Variants in NLRC3 observed in about 807,000 individuals in gnomAD.
The protein encoded by NLRC3 is NLR family CARD domain-containing protein 3.
Under a neutral mutation model 91.6 loss-of-function variants are expected in NLRC3, and 87 were observed. The ratio of observed to expected loss-of-function variants is 0.95; its 90% CI spans 0.80 to 1.14. The LOEUF (loss-of-function observed/expected upper bound fraction) is 1.14, where lower values mean the gene tolerates loss of function less well. Ranked by LOEUF, NLRC3 falls within the 50% of genes most tolerant of loss-of-function variation. NLRC3 has a pLI of 0.00. For synonymous variants in NLRC3, 694 were observed against 625.3 expected (o/e 1.11, Z -1.64); for missense variants, 1,577 against 1,418.6 (o/e 1.11, Z -1.79).
chr16:3,548,360 T>G (rs1212201705), intron 14 of NLRC3, 142 bp from the exon 15 acceptor site: 2 of 711,530 alleles, frequency 2.8e-6, no homozygotes, highest in Non-Finnish European at 4.8e-6. Flanking sequence ...CCAGACTTAG[T>G]TCTCAGAGGG....
In NLRC3 at chr16:3,564,965, C is replaced by G. The variant is rs757979567; in HGVS notation, c.72G>C (p.Gln24His). 6.2e-7 allele frequency: 1 copy of G among 1,610,602 alleles called. No individual in the cohort carries two copies. The highest frequency in any genetic ancestry group is 1.3e-5 in the African/African-American group (1 of 74,952). The change falls in exon 4 of 20, where the codon CAG (glutamine) becomes CAC (histidine). Residue 24 changes from glutamine to histidine, a missense_variant. Gln to His is a conservative substitution (Grantham distance 24, BLOSUM62 0). Coordinates refer to ENST00000359128, the MANE Select transcript of NLRC3 (RefSeq NM_178844.4). The surrounding 1 kb of genome is among the most constrained non-coding windows in gnomAD (Gnocchi z 5.9). ...QGHGTGSPAEQVKALMDLLAG... is the reference protein window; with the variant it reads ...QGHGTGSPAEHVKALMDLLAG... ...CCAGCAGATCCATGAGGGCTTTCAC[C>G]TGCTCGGCTGGGGAGCCCGTACCGT...
intron 5 of NLRC3, 77 bp from the exon 6 acceptor site, chr16:3,561,865 C>G (rs2039630865): frequency 7.2e-6 from 7 of 978,496 alleles, no homozygotes; most frequent in Non-Finnish European, 1.2e-5. Context: ...GGGGCCTCTG[C>G]CTCTCTCCAT....
intron 5 of NLRC3, among the ~76,000 whole-genome samples, chr16:3,562,016 T>TCCTCA (rs1401524289): frequency 2.0e-5 from 3 of 152,102 alleles, no homozygotes; most frequent in Non-Finnish European, 4.4e-5. Flanking sequence ...CGGGCTGTCG[T>TCCTCA]CCTCACCACC....
chr16:3,575,836 T>C (rs1453462391), intron 1 of NLRC3, among the ~76,000 whole-genome samples: 2 of 152,212 alleles, frequency 1.3e-5, no homozygotes, highest in African/African-American at 4.8e-5. Flanking sequence ...GCTGGCTGCC[T>C]ACCTGGGCTG....
chr16:3,542,592 A>G, intron 18 of NLRC3, 100 bp downstream of exon 18: 1 of 714,172 alleles, frequency 1.4e-6, no homozygotes, highest in Admixed American at 2.4e-5. Flanking sequence ...TCAGAAGGAA[A>G]TAGCTACAGA....
At chr16:3,548,038 G>A in intron 15 of NLRC3, 97 bp downstream of exon 15, 2 of 769,894 alleles carry the variant, frequency 2.6e-6, no homozygotes, top group Non-Finnish European at 4.4e-6. Context: ...AGTGCCAGGG[G>A]TCACTGGATT....
rs373050095 is a variant in NLRC3, at chr16:3,564,528, G to A, written c.409C>T (p.Pro137Ser). 71 of 1,612,050 alleles carry A rather than the reference G, an allele frequency of 4.4e-5. No homozygotes were observed. The African/African-American group carries it at 9.2e-4, about 21-fold the overall frequency. Residue 137 changes from proline to serine, a missense_variant, in exon 5 of 20, where the codon CCA (proline) becomes TCA (serine). Transcript: ENST00000359128. This position sits in a 1 kb window ranked among gnomAD's most constrained non-coding sequence, Gnocchi z 5.9. Reference sequence around the variant, plus strand: ...CCGATAGTGATGGAGACCCGGGGTGGGACAGACACCCGGGAGAGAGGCAGG... The same window carrying A: ...CCGATAGTGATGGAGACCCGGGGTGAGACAGACACCCGGGAGAGAGGCAGG... ...LFLPLSRVSV[P>S]PRVSITIGVA...
chr16:3,544,774 C>T lies in NLRC3; in HGVS notation c.2772-445G>A, dbSNP rs185141827. 149 of 176,464 alleles carry T rather than the reference C, an allele frequency of 8.4e-4. 1 individual carries two copies. In the Middle Eastern group the frequency reaches 0.019, roughly 22 times the overall value. The allele number at this position is 176,464 out of a possible 1,614,324, so 10.9% of individuals were successfully genotyped here. On this transcript the variant is annotated intron_variant, in intron 15 of 19. Transcript: ENST00000359128. Reference sequence around the variant, plus strand: ...GCAGCCTCAACCTCCCAGGCTCAAGCGATCCTCCCACCTCAGCCTCCCGAG... The same window carrying T: ...GCAGCCTCAACCTCCCAGGCTCAAGTGATCCTCCCACCTCAGCCTCCCGAG...
Position 3,552,229 on chromosome 16 carries a change from G to A in NLRC3, c.2318C>T (p.Ala773Val), listed in dbSNP as rs1294303336. The A allele has an allele frequency of 3.7e-6, 6 of 1,612,800 alleles. No individual in the cohort carries two copies. Among genetic ancestry groups the A allele is most frequent in the South Asian group, 2.2e-5 (2 of 91,062 alleles). Residue 773 changes from alanine (A) to valine (V), a missense_variant, in exon 10 of 20, where the codon GCC (alanine) becomes GTC (valine). Coordinates refer to ENST00000359128, the MANE Select transcript of NLRC3 (RefSeq NM_178844.4). ...GPMGAQRMADALKQNRSLKEL... is the reference protein window; with the variant it reads ...GPMGAQRMADVLKQNRSLKEL... ...TTTCAGACTCCTGTTCTGCTTCAAG[G>A]CATCTGCCATCCGCTGGGCTCCCAT... is the stretch of plus-strand genomic sequence containing the variant.
At chr16:3,573,628 C>G (rs955885674) in intron 1 of NLRC3, among the ~76,000 whole-genome samples, 8 of 152,168 alleles carry the variant, frequency 5.3e-5, no homozygotes, top group Non-Finnish European at 7.3e-5. Flanking sequence ...GTGACCAGCC[C>G]TGCTGCTGGG....
chr16:3,542,682 A>G lies in NLRC3; in HGVS notation c.3023+10T>C. The G allele has an allele frequency of 1.9e-6, 3 of 1,589,100 alleles. No individual in the cohort carries two copies. The highest frequency in any genetic ancestry group is 1.7e-5 in the Admixed American group (1 of 59,024). On this transcript the variant is annotated intron_variant, in intron 18 of 19. Coordinates refer to ENST00000359128, the MANE Select transcript of NLRC3 (RefSeq NM_178844.4). The stretch of plus-strand genomic sequence containing the variant: ...CTCCAGGATGCAGGTAGGTCCCTCC[A>G]GCCACTTACTTGAGTCTCCGGAGAC...
chr16:3,542,246 C>A lies in NLRC3; in HGVS notation c.3052G>T (p.Gly1018Trp), dbSNP rs772730208. Residue 1018 changes from glycine (G) to tryptophan (W), a missense_variant, in exon 19 of 20, where the codon GGG (glycine) becomes TGG (tryptophan). Gly to Trp is a radical substitution (Grantham distance 184). Coordinates refer to ENST00000359128, the MANE Select transcript of NLRC3 (RefSeq NM_178844.4). ...NLQENSLGMD[G>W]AICIATALSG... ...AGTGCTGTGGCAATGCATATCGCCC[C>A]GTCCATCCCCAGAGAATTCTCTTGA... 4 of 1,593,870 alleles carry A rather than the reference C, an allele frequency of 2.5e-6. No homozygotes were observed. The African/African-American group carries it at 4.0e-5, about 16-fold the overall frequency.
intron 15 of NLRC3, among the ~76,000 whole-genome samples, chr16:3,546,096 A>G (rs921073550): frequency 6.6e-6 from 1 of 152,076 alleles, no homozygotes; most frequent in Admixed American, 6.6e-5. Context: ...GGACTTGACA[A>G]TGAATAGGAA....
rs1034327979 is a variant in NLRC3, at chr16:3,539,049, T to A, written c.*2776A>T. 1.3e-5 allele frequency: 2 copies of A among 152,238 alleles called. No individual in the cohort carries two copies. Among genetic ancestry groups the A allele is most frequent in the Non-Finnish European group, 2.9e-5 (2 of 68,044 alleles). The allele number at this position is 152,238 out of a possible 1,614,324, so 9.4% of individuals were successfully genotyped here. ...ACAAAGGAATTTTTCAAATACTCAA[T>A]TTTTATTGGTAGTAGTTATCAAGAA... On this transcript the variant is annotated 3_prime_UTR_variant, in exon 20 of 20. Transcript: ENST00000359128.
rs748245131 is a variant in NLRC3 at position 3,541,893 on chromosome 16, C to A, written c.3130G>T (p.Asp1044Tyr). 6.2e-7 allele frequency: 1 copy of A among 1,611,068 alleles called. No individual in the cohort carries two copies. The highest frequency in any genetic ancestry group is 1.3e-5 in the African/African-American group (1 of 74,894). ...HINLQGNHIGDSGARMISEAI... is the reference protein window; with the variant it reads ...HINLQGNHIGYSGARMISEAI... Reference sequence around the variant, plus strand: ...TCTGAGATCATCCTGGCCCCGGAGTCCCCAATGTGGTTTCCCTGGAGACTA... The same window carrying A: ...TCTGAGATCATCCTGGCCCCGGAGTACCCAATGTGGTTTCCCTGGAGACTA... The change falls in exon 20 of 20, where the codon GAC becomes TAC. Residue 1044 changes from aspartate (D) to tyrosine (Y), a missense_variant. Asp to Tyr is a radical substitution (Grantham distance 160). Transcript: ENST00000359128.
chr16:3,569,508 C>T (rs568525071), intron 1 of NLRC3, among the ~76,000 whole-genome samples: 1 of 142,332 alleles, frequency 7.0e-6, no homozygotes, highest in Admixed American at 7.4e-5. Context: ...AAGTGATTCT[C>T]CTGCCTTAGC....
intron 11 of NLRC3, 21 bp downstream of exon 11, chr16:3,550,393 C>G (rs772279341): frequency 6.4e-7 from 1 of 1,559,280 alleles, no homozygotes; most frequent in Non-Finnish European, 8.8e-7. Context: ...GGGGAATCGT[C>G]ACCCTGGCAG....
Position 3,548,718 on chromosome 16 carries a change from C to T in NLRC3, c.2639G>A (p.Arg880Gln), listed in dbSNP as rs1203197723. 35 of 1,604,130 alleles carry T rather than the reference C, an allele frequency of 2.2e-5. No individual in the cohort carries two copies. Among genetic ancestry groups the T allele is most frequent in the African/African-American group, 8.0e-5 (6 of 74,770 alleles). ...TANLLHDQGA[R>Q]AIAVAVRENR... ...TTCTCTCACTGCCACTGCGATGGCC[C>T]GGGCACCCTGGTCGTGGAGGAGGTT... is the stretch of plus-strand genomic sequence containing the variant. Residue 880 changes from arginine (R) to glutamine (Q), a missense_variant, in exon 14 of 20, where the codon CGG becomes CAG. Physicochemically the swap from Arg to Gln is conservative, Grantham distance 43 (BLOSUM62 1). Coordinates refer to ENST00000359128, the MANE Select transcript of NLRC3 (RefSeq NM_178844.4).
chr16:3,566,407 A>G (rs1038532790), intron 2 of NLRC3, among the ~76,000 whole-genome samples: 6 of 152,172 alleles, frequency 3.9e-5, no homozygotes, highest in Non-Finnish European at 8.8e-5. Context: ...CCTGGCCGAT[A>G]TGGTGAGACC....
Sources: gnomAD v4.1 joint callset for allele counts (sites outside exome capture counted in the v4.1 genomes callset) on GRCh38, gnomAD v4.1.1 for gene constraint, Gnocchi (gnomAD v3.1) non-coding constraint, MANE v1.5 for transcripts, NCBI Gene and HGNC (gene_info 2026-07-23, HGNC 2026-07-21) for gene names.